The following DSCAM variants were observed in gnomAD, a reference collection of about 807,000 sequenced individuals.
DSCAM encodes the protein DS cell adhesion molecule, also known as cell adhesion molecule DSCAM.
A neutral mutation model predicts 217.7 loss-of-function variants in DSCAM; 47 were observed. The observed-to-expected ratio is 0.22, with a 90% CI of 0.17 to 0.28. The LOEUF is 0.28. DSCAM is among the 10% of genes least tolerant of loss of function. The pLI is 1.00. For synonymous variants in DSCAM, 1,056 were observed against 1,015.3 expected, an observed-to-expected ratio of 1.04 and a Z score of -0.76; for missense variants, 2,080 against 2,618.3, an observed-to-expected ratio of 0.79 and a Z score of 4.49.
chr21:40,636,760 CT>C (rs3070821), intron 3 of DSCAM, among the ~76,000 whole-genome samples: 1,409 of 133,556 alleles, frequency 0.011, 8 homozygotes, highest in South Asian at 0.034. Flanking sequence ...GGTCTCATGA[CT>C]TTTTTTTTTT....
chr21:40,244,816 G>A (rs961771144), intron 11 of DSCAM, among the ~76,000 whole-genome samples: 9 of 152,176 alleles, frequency 5.9e-5, no homozygotes, highest in Non-Finnish European at 1.2e-4. Flanking sequence ...GGGGTGGGAT[G>A]GGTGAAAGAG....
At chr21:40,437,467 T>C (rs912693678) in intron 3 of DSCAM, among the ~76,000 whole-genome samples, 4 of 152,212 alleles carry the variant, frequency 2.6e-5, no homozygotes, top group African/African-American at 7.2e-5. Context: ...GTGAAAACCC[T>C]GTGAGACCAG....
chr21:40,293,695 A>C (rs2073921660), intron 10 of DSCAM, among the ~76,000 whole-genome samples: 1 of 152,100 alleles, frequency 6.6e-6, no homozygotes, highest in African/African-American at 2.4e-5. Flanking sequence ...GGTGGTGTAC[A>C]CCTGTAATCC....
intron 27 of DSCAM, among the ~76,000 whole-genome samples, chr21:40,070,489 G>A (rs2089279601): frequency 6.6e-6 from 1 of 152,228 alleles, no homozygotes; most frequent in Admixed American, 6.5e-5. Context: ...GAGTTTCAGA[G>A]TACAGGCTTC....
chr21:40,053,134 A>G (rs1480244570), intron 29 of DSCAM, among the ~76,000 whole-genome samples: 1 of 152,196 alleles, frequency 6.6e-6, no homozygotes, highest in African/African-American at 2.4e-5. Context: ...TGCCCAAAAA[A>G]GGCTCTGAAC....
At chr21:40,356,281 CAA>C (rs2074691815) in intron 4 of DSCAM, among the ~76,000 whole-genome samples, 2 of 151,972 alleles carry the variant, frequency 1.3e-5, no homozygotes, top group South Asian at 2.1e-4. Context: ...TTGAAATTTG[CAA>C]AGACAGTTGA....
At chr21:40,836,696 G>A (rs1242918050) in intron 1 of DSCAM, among the ~76,000 whole-genome samples, 1 of 152,216 alleles carries the variant, frequency 6.6e-6, no homozygotes, top group Non-Finnish European at 1.5e-5. Flanking sequence ...TATGGTTCAT[G>A]TGGATCAGAA....
chr21:40,240,732 A>G (rs1361964865), intron 11 of DSCAM, among the ~76,000 whole-genome samples: 3 of 152,114 alleles, frequency 2.0e-5, no homozygotes, highest in African/African-American at 4.8e-5. Flanking sequence ...TTCCTCCTCT[A>G]CATTCCAATA....
At chr21:40,049,352 G>A (rs1323456949) in intron 30 of DSCAM, among the ~76,000 whole-genome samples, 2 of 152,066 alleles carry the variant, frequency 1.3e-5, no homozygotes, top group Non-Finnish European at 2.9e-5. Flanking sequence ...GGAACCTTGG[G>A]AGCTTTTCCC....
chr21:40,266,381 A>G (rs2073527567), intron 11 of DSCAM, among the ~76,000 whole-genome samples: 1 of 152,066 alleles, frequency 6.6e-6, no homozygotes, highest in Non-Finnish European at 1.5e-5. Context: ...TTGAAAAAGG[A>G]ACACTTACAC....
At chr21:40,712,840 G>A (rs2090797160) in intron 1 of DSCAM, among the ~76,000 whole-genome samples, 1 of 151,222 alleles carries the variant, frequency 6.6e-6, no homozygotes. Context: ...AGAGAAGGTG[G>A]GGGGTACAGG....
chr21:40,182,571 G>C (rs1259372291), intron 14 of DSCAM, among the ~76,000 whole-genome samples: 1 of 148,688 alleles, frequency 6.7e-6, no homozygotes, highest in African/African-American at 2.5e-5. Flanking sequence ...GGAGGTACCA[G>C]AGAAACTGTG....
rs141438568 is a variant in DSCAM, at chr21:40,329,612, C to CTAAATAAA, written c.1783+8481_1783+8488dup. 2.5e-3 allele frequency among the ~76,000 whole-genome samples: 344 copies of CTAAATAAA among 135,178 alleles called. 2 individuals are homozygous for CTAAATAAA. The highest frequency in any genetic ancestry group is 7.4e-3 in the Middle Eastern group (2 of 272). 88.7% of individuals were successfully genotyped at this position (135,178 alleles called of 152,430 possible). On this transcript the variant is annotated intron_variant, in intron 8 of 32. Coordinates refer to ENST00000400454, the MANE Select transcript of DSCAM (RefSeq NM_001389.5). Reference sequence around the variant, plus strand: ...CTGGCCACAGAGTGAGACTCCGTCTCTAAATAAATAAATAAATAAATAAAT... The same window carrying CTAAATAAA: ...CTGGCCACAGAGTGAGACTCCGTCTCTAAATAAATAAATAAATAAATAAATAAATAAAT...
chr21:40,023,225 GT>G (rs1305320024), intron 32 of DSCAM, among the ~76,000 whole-genome samples: 1 of 152,138 alleles, frequency 6.6e-6, no homozygotes, highest in Non-Finnish European at 1.5e-5. Flanking sequence ...TGGCTGCATA[GT>G]GTTCCATGGT....
At chr21:40,686,207 CCACACA>C (rs758916251) in intron 3 of DSCAM, among the ~76,000 whole-genome samples, 5 of 126,390 alleles carry the variant, frequency 4.0e-5, no homozygotes, top group African/African-American at 1.4e-4. Flanking sequence ...AGCACGTACT[CCACACA>C]CACACACACA....
At chr21:40,617,895 C>T (rs1000716603) in intron 3 of DSCAM, among the ~76,000 whole-genome samples, 2 of 152,192 alleles carry the variant, frequency 1.3e-5, no homozygotes, top group Non-Finnish European at 2.9e-5. Flanking sequence ...AGAGCAATGC[C>T]AGACAGAGGA....
chr21:40,017,695 G>T (rs1266100098), intron 32 of DSCAM, among the ~76,000 whole-genome samples: 1 of 152,002 alleles, frequency 6.6e-6, no homozygotes, highest in African/African-American at 2.4e-5. Flanking sequence ...GGGATTACAG[G>T]CATGCACCAC....
intron 3 of DSCAM, among the ~76,000 whole-genome samples, chr21:40,595,382 A>AAAAG (rs1568927831): frequency 6.6e-6 from 1 of 150,428 alleles, no homozygotes. Context: ...TGTCTCAAAA[A>AAAAG]AAAAGAAAAG....
At chr21:40,190,349 C>G (rs147997895) in intron 11 of DSCAM, among the ~76,000 whole-genome samples, 145 of 151,998 alleles carry the variant, frequency 9.5e-4, no homozygotes, top group African/African-American at 3.3e-3. Context: ...AAACCAGAGA[C>G]CAAACACAAA....
Sources: allele counts gnomAD v4.1 joint callset (sites outside exome capture counted in the v4.1 genomes callset), GRCh38; gene constraint gnomAD v4.1.1; transcripts MANE v1.5; gene names NCBI Gene and HGNC (gene_info 2026-07-23, HGNC 2026-07-21).